MED24: variants seen among roughly 807,000 people sequenced by gnomAD.
MED24 encodes the protein mediator complex subunit 24, also known as mediator of RNA polymerase II transcription subunit 24.
Under a neutral mutation model 118.8 loss-of-function variants are expected in MED24, and 74 were observed. The ratio of observed to expected loss-of-function variants is 0.62; its 90% CI spans 0.52 to 0.76. The LOEUF (loss-of-function observed/expected upper bound fraction) is 0.76, where lower values mean the gene tolerates loss of function less well. Among genes scored for constraint, MED24 ranks in the 30% least tolerant of loss-of-function variants. MED24 has a pLI of 0.00. For synonymous variants in MED24, 521 were observed against 523.9 expected (o/e 0.99, Z 0.08); for missense variants, 1,041 against 1,278.9 (o/e 0.81, Z 2.84).
intron 8 of MED24, 103 bp from the exon 9 acceptor site, chr17:40,032,865 C>A: frequency 7.5e-7 from 1 of 1,325,248 alleles, no homozygotes; most frequent in Non-Finnish European, 1.1e-6. Context: ...ATGGCAGAGT[C>A]ACTGCTCAGC....
rs113275996 is a variant in MED24, at chr17:40,020,272, C to T, written c.2704+1G>A. ...TTCGGCAGCAGGGGTGGGGAACTCA[C>T]CCAGGACTCGGTTCAGAGGGTCCCG... On this transcript the variant is annotated splice_donor_variant, in intron 24 of 25. Coordinates refer to ENST00000394128, the MANE Select transcript of MED24 (RefSeq NM_014815.4). LOFTEE classifies it high-confidence loss of function. The T allele has an allele frequency of 1.3e-6, 2 of 1,532,588 alleles. No homozygotes were observed. Among genetic ancestry groups the T allele is most frequent in the Non-Finnish European group, 1.8e-6 (2 of 1,139,360 alleles). The allele number at this position is 1,532,588 out of a possible 1,614,324, so 94.9% of individuals were successfully genotyped here.
At chr17:40,042,947 G>A (rs906279729) in intron 3 of MED24, among the ~76,000 whole-genome samples, 2 of 152,072 alleles carry the variant, frequency 1.3e-5, no homozygotes, top group Admixed American at 6.6e-5. Context: ...ATTTTATTAC[G>A]TATGTATGTA....
intron 12 of MED24, 131 bp from the exon 13 acceptor site, chr17:40,029,990 G>T: frequency 1.4e-6 from 1 of 735,306 alleles, no homozygotes; most frequent in South Asian, 1.7e-5. Context: ...CGAGGTTGGG[G>T]TGAAGTTTAT....
Position 40,052,426 on chromosome 17 carries a change from A to G in MED24, c.213+872T>C, listed in dbSNP as rs565873761. ...TACTCTATCCTAACCTTTATCATAA[A>G]CCCATCTAGTGACTGCTTATTTACA... On this transcript the variant is annotated intron_variant, in intron 3 of 25. Transcript: ENST00000394128. 2.6e-5 allele frequency among the ~76,000 whole-genome samples: 4 copies of G among 152,092 alleles called. 1 individual carries two copies. In the South Asian group the frequency reaches 8.3e-4, roughly 32 times the overall value.
chr17:40,023,069 C>A, intron 20 of MED24, 62 bp downstream of exon 20: 1 of 1,563,358 alleles, frequency 6.4e-7, no homozygotes, highest in African/African-American at 1.3e-5. Context: ...GCAGACCAGG[C>A]CAGGTGTGGG....
rs767083770 is a variant in MED24, at chr17:40,019,848, C to T, written c.2790G>A (p.Glu930=). The stretch of plus-strand genomic sequence containing the variant: ...CACCCTGCTCCAGGCAGTCCACACA[C>T]TCCTCCATGAACCACTGCACGAACT... ...HTQFVQWFME[E]CVDCLEQGGR... The change falls in exon 25 of 26, where the codon GAG becomes GAA. Residue 930 remains glutamate, a synonymous_variant. Transcript: ENST00000394128. 6.3e-6 allele frequency: 10 copies of T among 1,597,486 alleles called. No individual in the cohort carries two copies. Among genetic ancestry groups the T allele is most frequent in the Non-Finnish European group, 7.7e-6 (9 of 1,171,708 alleles).
intron 20 of MED24, 63 bp from the exon 21 acceptor site, chr17:40,022,889 C>T: frequency 6.4e-7 from 1 of 1,568,806 alleles, no homozygotes; most frequent in Non-Finnish European, 8.7e-7. Context: ...CTCCTACACC[C>T]TGCCACCCCA....
At chr17:40,046,887 C>T (rs925798529) in intron 3 of MED24, among the ~76,000 whole-genome samples, 1 of 152,062 alleles carries the variant, frequency 6.6e-6, no homozygotes, top group African/African-American at 2.4e-5. Flanking sequence ...GAGACCCCGT[C>T]CCTACAAAAA....
At chr17:40,020,460 A>T in intron 23 of MED24, 107 bp from the exon 24 acceptor site, 1 of 1,544,330 alleles carries the variant, frequency 6.5e-7, no homozygotes, top group Non-Finnish European at 8.8e-7. Flanking sequence ...GGTAACTGGT[A>T]CATGGAGAGC....
intron 6 of MED24, 55 bp downstream of exon 6, chr17:40,035,062 A>T: frequency 9.9e-6 from 16 of 1,610,222 alleles, no homozygotes; most frequent in Non-Finnish European, 1.3e-5. Context: ...TCTCAATTAA[A>T]GGACCGGCTA....
rs530457324 is a variant in MED24 at position 40,029,339 on chromosome 17, C to T, written c.1267-371G>A. ...TCAGCCTCCCAAGTAACTGGGATTACAGGCATGCACCACCACACCCAGTGA... is the reference window on the plus strand; with the variant it reads ...TCAGCCTCCCAAGTAACTGGGATTATAGGCATGCACCACCACACCCAGTGA... On this transcript the variant is annotated intron_variant, in intron 13 of 25. Transcript: ENST00000394128. Among the ~76,000 whole-genome samples the T allele has an allele frequency of 2.6e-5, 4 of 152,326 alleles. No homozygotes were observed. In the South Asian group the frequency reaches 8.3e-4, roughly 32 times the overall value.
chr17:40,050,247 G>A (rs1157440671), intron 3 of MED24, among the ~76,000 whole-genome samples: 1 of 150,926 alleles, frequency 6.6e-6, no homozygotes, highest in East Asian at 2.0e-4. Context: ...TCAGGAGTTC[G>A]AGACCAGCCT....
intron 3 of MED24, among the ~76,000 whole-genome samples, chr17:40,050,415 C>T (rs1022041526): frequency 6.6e-6 from 1 of 152,084 alleles, no homozygotes; most frequent in Non-Finnish European, 1.5e-5. Context: ...CCACTGCACT[C>T]CACCCTGGGT....
At position 40,053,567 on chromosome 17, in the gene MED24, A is replaced by G. The variant is rs1010113938; in HGVS notation, c.32T>C (p.Leu11Ser). MKVVNLKQAI[L>S]QAWKERWSDY... The stretch of plus-strand genomic sequence containing the variant: ...ACTCCAGCGCTCCTTCCAGGCTTGC[A>G]AAATGGCTTGCTTCAGGTTGACCAC... Residue 11 changes from leucine to serine, a missense_variant, in exon 2 of 26, where the codon TTG becomes TCG. Leu to Ser is a moderately radical substitution (Grantham distance 145). This residue lies in a region of MED24 where 434 missense variants were observed against 514.9 expected (regional missense o/e 0.84). Transcript: ENST00000394128. 2 of 1,614,194 alleles carry G rather than the reference A, an allele frequency of 1.2e-6. No homozygotes were observed. Among genetic ancestry groups the G allele is most frequent in the Admixed American group, 3.3e-5 (2 of 60,016 alleles).
intron 3 of MED24, among the ~76,000 whole-genome samples, chr17:40,036,733 A>C (rs1294184193): frequency 6.6e-6 from 1 of 151,852 alleles, no homozygotes; most frequent in East Asian, 1.9e-4. Context: ...GTCCTCAATA[A>C]GCATGGGTTA....
At chr17:40,048,522 C>T (rs1985488784) in intron 3 of MED24, among the ~76,000 whole-genome samples, 1 of 152,076 alleles carries the variant, frequency 6.6e-6, no homozygotes, top group African/African-American at 2.4e-5. Flanking sequence ...AAGATCTATT[C>T]AAGGTGCAAC....
chr17:40,027,827 G>A, intron 15 of MED24, 82 bp downstream of exon 15: 2 of 1,467,910 alleles, frequency 1.4e-6, no homozygotes, highest in South Asian at 1.1e-5. Flanking sequence ...GTTGAGCTGG[G>A]GAGCCCTCCT....
chr17:40,022,403 T>C lies in MED24; in HGVS notation c.2514A>G (p.Glu838=). 6.2e-7 allele frequency: 1 copy of C among 1,609,068 alleles called. No homozygotes were observed. The highest frequency in any genetic ancestry group is 8.5e-7 in the Non-Finnish European group (1 of 1,177,948). The change falls in exon 22 of 26, where the codon GAA becomes GAG. Residue 838 remains glutamate, a synonymous_variant. Coordinates refer to ENST00000394128, the MANE Select transcript of MED24 (RefSeq NM_014815.4). ...ASTRQKKRHR[E]DIEDYISLFP... is the part of the protein sequence containing the mutation. ...CAGCTGGGGGGCCTACCTCAATGTC[T>C]TCGCGGTGTCTCTTCTTCTGGCGGG...
At chr17:40,053,943 C>T in intron 1 of MED24, 2 of 489,788 alleles carry the variant, frequency 4.1e-6, no homozygotes, top group Non-Finnish European at 7.3e-6. Context: ...CTAGCCTGAC[C>T]AACATGGAGA....
Sources: allele counts gnomAD v4.1 joint callset (sites outside exome capture counted in the v4.1 genomes callset), GRCh38; gene constraint gnomAD v4.1.1; regional missense constraint gnomAD v4.1.1; transcripts MANE v1.5; gene names NCBI Gene and HGNC (gene_info 2026-07-23, HGNC 2026-07-21).